The following KCNIP1 variants were observed in gnomAD, a reference collection of about 807,000 sequenced individuals.
The protein encoded by KCNIP1 is potassium voltage-gated channel interacting protein 1.
KCNIP1 carries 18 observed loss-of-function variants against 33.0 expected under a neutral mutation model. The observed-to-expected ratio is 0.55, with a 90% CI of 0.38 to 0.81. KCNIP1 has a LOEUF of 0.81. KCNIP1 is among the 30% of genes least tolerant of loss of function. KCNIP1 has a pLI of 0.00. For synonymous variants in KCNIP1, 93 were observed against 98.3 expected, an observed-to-expected ratio of 0.95 and a Z score of 0.32; for missense variants, 238 against 271.6, an observed-to-expected ratio of 0.88 and a Z score of 0.87.
intron 1 of KCNIP1, among the ~76,000 whole-genome samples, chr5:170,407,177 G>A (rs372931711): frequency 2.0e-5 from 3 of 152,344 alleles, no homozygotes; most frequent in African/African-American, 7.2e-5. Context: ...AACCATAGAC[G>A]AGTTAAGAGT....
intron 1 of KCNIP1, among the ~76,000 whole-genome samples, chr5:170,629,278 G>A (rs1759957486): frequency 6.6e-6 from 1 of 152,142 alleles, no homozygotes; most frequent in Admixed American, 6.5e-5. Flanking sequence ...CATGGGCAGG[G>A]GCATTGTTCA....
At chr5:170,562,977 G>T (rs555188994) in intron 1 of KCNIP1, among the ~76,000 whole-genome samples, 27 of 152,356 alleles carry the variant, frequency 1.8e-4, no homozygotes, top group African/African-American at 6.5e-4. Context: ...TACTGAGTTT[G>T]TAGACTGCAA....
chr5:170,467,922 A>G (rs1756642937), intron 1 of KCNIP1, among the ~76,000 whole-genome samples: 1 of 150,832 alleles, frequency 6.6e-6, no homozygotes, highest in South Asian at 2.1e-4. Context: ...CATCTCAAAA[A>G]AAAAAAAAAA....
At chr5:170,464,486 G>C (rs113073563) in intron 1 of KCNIP1, among the ~76,000 whole-genome samples, 23 of 152,268 alleles carry the variant, frequency 1.5e-4, no homozygotes, top group African/African-American at 5.5e-4. Context: ...TCCTGATTTC[G>C]AATCTTACTT....
intron 1 of KCNIP1, among the ~76,000 whole-genome samples, chr5:170,405,658 C>T (rs1476940449): frequency 6.6e-6 from 1 of 152,180 alleles, no homozygotes; most frequent in African/African-American, 2.4e-5. Flanking sequence ...GTATTAGTGT[C>T]TGTGGTCATT....
At chr5:170,721,569 C>A (rs887855296) in intron 3 of KCNIP1, among the ~76,000 whole-genome samples, 9 of 152,122 alleles carry the variant, frequency 5.9e-5, no homozygotes, top group Non-Finnish European at 1.3e-4. Flanking sequence ...CATACACCAA[C>A]GACTCCATGC....
chr5:170,405,644 A>G (rs1248372290), intron 1 of KCNIP1, among the ~76,000 whole-genome samples: 2 of 152,210 alleles, frequency 1.3e-5, no homozygotes, highest in Admixed American at 6.5e-5. Flanking sequence ...TTCCTTGGGC[A>G]AAAGTATTAG....
chr5:170,515,260 A>G (rs567000914), intron 1 of KCNIP1, among the ~76,000 whole-genome samples: 3 of 152,198 alleles, frequency 2.0e-5, no homozygotes, highest in Non-Finnish European at 4.4e-5. Flanking sequence ...TGAGCATTGA[A>G]TCTTGTCCTG....
intron 1 of KCNIP1, among the ~76,000 whole-genome samples, chr5:170,640,213 T>C (rs1760485099): frequency 6.6e-6 from 1 of 152,188 alleles, no homozygotes; most frequent in Admixed American, 6.5e-5. Flanking sequence ...AGAGCTGCTG[T>C]GAATATTGTT....
intron 1 of KCNIP1, among the ~76,000 whole-genome samples, chr5:170,522,068 C>T (rs1249521112): frequency 6.6e-6 from 1 of 152,188 alleles, no homozygotes; most frequent in Non-Finnish European, 1.5e-5. Context: ...CCACCGGCAG[C>T]AATTCAGGGC....
chr5:170,706,745 C>A, intron 1 of KCNIP1, among the ~76,000 whole-genome samples: 1 of 152,158 alleles, frequency 6.6e-6, no homozygotes, highest in East Asian at 1.9e-4. Context: ...CTCTCTGCCC[C>A]TTCATTTTTC....
chr5:170,467,787 G>A (rs1335604129), intron 1 of KCNIP1, among the ~76,000 whole-genome samples: 8 of 151,810 alleles, frequency 5.3e-5, no homozygotes, highest in African/African-American at 1.5e-4. Context: ...GTGTGTTGGC[G>A]CCTGTCTGTA....
chr5:170,670,907 A>AAAT (rs1435537428), intron 1 of KCNIP1, among the ~76,000 whole-genome samples: 24 of 131,570 alleles, frequency 1.8e-4, no homozygotes, highest in Admixed American at 2.2e-4. Flanking sequence ...AAAAACAAAA[A>AAAT]AAAAAATAAA....
intron 1 of KCNIP1, among the ~76,000 whole-genome samples, chr5:170,404,000 C>T (rs781365345): frequency 2.0e-5 from 3 of 152,070 alleles, no homozygotes; most frequent in Non-Finnish European, 2.9e-5. Flanking sequence ...GGCTGAGGAC[C>T]GCCCTCCAGA....
intron 1 of KCNIP1, among the ~76,000 whole-genome samples, chr5:170,497,698 A>C (rs1757335726): frequency 6.6e-6 from 1 of 152,190 alleles, no homozygotes; most frequent in South Asian, 2.1e-4. Context: ...TGCGCCAAGC[A>C]TAGTGCTGGC....
intron 1 of KCNIP1, among the ~76,000 whole-genome samples, chr5:170,522,232 A>G (rs1463802154): frequency 6.6e-6 from 1 of 152,202 alleles, no homozygotes; most frequent in Non-Finnish European, 1.5e-5. Flanking sequence ...CCCTGCCCTG[A>G]TCATGGACAA....
At chr5:170,693,440 C>T (rs1409828167) in intron 1 of KCNIP1, among the ~76,000 whole-genome samples, 2 of 152,168 alleles carry the variant, frequency 1.3e-5, no homozygotes, top group Non-Finnish European at 2.9e-5. Context: ...ATCTAATCCT[C>T]GTGAAGACCC....
chr5:170,489,798 C>T lies in KCNIP1; in HGVS notation c.88+135834C>T, dbSNP rs1258726185. 1.3e-5 allele frequency among the ~76,000 whole-genome samples: 2 copies of T among 152,194 alleles called. No individual in the cohort carries two copies. The highest frequency in any genetic ancestry group is 2.9e-5 in the Non-Finnish European group (2 of 68,034). ...CTAAAACCTATGCCCTATTTCCAGC[C>T]TCATGAAGTAAACTTAGCCACTGGG... On this transcript the variant is annotated intron_variant, in intron 1 of 7. Transcript: ENST00000377360. The surrounding 1 kb of genome is among the most constrained non-coding windows in gnomAD (Gnocchi z 4.3).
In KCNIP1 at chr5:170,733,283, G is replaced by A. The variant is rs148857236; in HGVS notation, c.540+379G>A. ...GGCCAGATTATGAGACCTTTAAATG[G>A]AAGAGTTTGGCCTTGCTCTGGTACA... On this transcript the variant is annotated intron_variant, in intron 6 of 7. Transcript: ENST00000328939. Among the ~76,000 whole-genome samples the A allele has an allele frequency of 2.0e-5, 3 of 152,330 alleles. No individual in the cohort carries two copies. The East Asian group carries it at 5.8e-4, about 29-fold the overall frequency.
Sources: allele counts gnomAD v4.1 joint callset (sites outside exome capture counted in the v4.1 genomes callset), GRCh38; gene constraint gnomAD v4.1.1; non-coding constraint Gnocchi (gnomAD v3.1); transcripts MANE v1.5; gene names NCBI Gene and HGNC (gene_info 2026-07-23, HGNC 2026-07-21).